Variants in METTL14 observed in about 807,000 individuals in gnomAD.
The protein encoded by METTL14 is N(6)-adenosine-methyltransferase non-catalytic subunit METTL14.
A neutral mutation model predicts 62.4 loss-of-function variants in METTL14; 32 were observed. That is an observed-to-expected ratio of 0.51 (90% confidence interval 0.39 to 0.69). The LOEUF (loss-of-function observed/expected upper bound fraction) is 0.69, where lower values mean the gene tolerates loss of function less well. Ranked by LOEUF, METTL14 falls within the 30% of genes least tolerant of loss-of-function variation. The pLI is 0.00. For synonymous variants in METTL14, 150 were observed against 180.0 expected (o/e 0.83, Z 1.34); for missense variants, 340 against 551.9 (o/e 0.62, Z 3.85).
intron 6 of METTL14, among the ~76,000 whole-genome samples, chr4:118,696,833 G>A (rs1346451912): frequency 6.6e-6 from 1 of 152,118 alleles, no homozygotes; most frequent in Non-Finnish European, 1.5e-5. Flanking sequence ...AAATTCAGAT[G>A]AGAAGGGAAA....
At chr4:118,696,446 C>G (rs1159960116) in intron 6 of METTL14, among the ~76,000 whole-genome samples, 1 of 152,038 alleles carries the variant, frequency 6.6e-6, no homozygotes, top group East Asian at 1.9e-4. Flanking sequence ...GTGGGAAGAT[C>G]ACTTGAGCCC....
At chr4:118,700,174 T>C (rs566452173) in intron 7 of METTL14, among the ~76,000 whole-genome samples, 28 of 152,304 alleles carry the variant, frequency 1.8e-4, no homozygotes, top group African/African-American at 6.5e-4. Context: ...TTTAATTTTG[T>C]CCCTAACATT....
At chr4:118,693,056 G>A (rs1724301784) in intron 5 of METTL14, among the ~76,000 whole-genome samples, 1 of 152,076 alleles carries the variant, frequency 6.6e-6, no homozygotes, top group African/African-American at 2.4e-5. Context: ...TTACCTTTCT[G>A]ACAACTACTC....
chr4:118,704,161 A>G, intron 9 of METTL14, 110 bp downstream of exon 9: 1 of 653,492 alleles, frequency 1.5e-6, no homozygotes, highest in East Asian at 3.0e-5. Context: ...CTTTTCTTAG[A>G]CTTGTAAAGA....
chr4:118,713,877 T>C lies in METTL14; in HGVS notation c.*3575T>C, dbSNP rs966903150. 6.6e-5 allele frequency: 10 copies of C among 152,368 alleles called. No homozygotes were observed. Among genetic ancestry groups the C allele is most frequent in the Admixed American group, 5.2e-4 (8 of 15,304 alleles). 9.4% of individuals were successfully genotyped at this position (152,368 alleles called of 1,614,324 possible). A position where few individuals can be genotyped will look rare whatever the true frequency, so the allele number is the denominator to read the frequency against. ...CTCTATCATTTACTCGTATAAATAT[T>C]GCTAGCTGTAATGCACAGAGAAAAA... On this transcript the variant is annotated 3_prime_UTR_variant, in exon 11 of 11. Coordinates refer to ENST00000388822, the MANE Select transcript of METTL14 (RefSeq NM_020961.4).
chr4:118,696,420 T>G (rs1363730868), intron 6 of METTL14, among the ~76,000 whole-genome samples: 1 of 151,860 alleles, frequency 6.6e-6, no homozygotes. Context: ...AAATACACCT[T>G]TAATGAGATG....
At chr4:118,699,662 T>G (rs1724527760) in intron 7 of METTL14, among the ~76,000 whole-genome samples, 1 of 152,180 alleles carries the variant, frequency 6.6e-6, no homozygotes, top group African/African-American at 2.4e-5. Context: ...TCCGTGAGGT[T>G]TCAGCAGTGA....
At chr4:118,698,452 CAAAA>C (rs70941202) in intron 7 of METTL14, among the ~76,000 whole-genome samples, 10 of 76,650 alleles carry the variant, frequency 1.3e-4, no homozygotes, top group East Asian at 4.3e-4. Context: ...GACTCTGTCT[CAAAA>C]AAAAAAAAAA....
In METTL14 at chr4:118,712,042, G is replaced by C. The variant is rs1197441437; in HGVS notation, c.*1740G>C. The stretch of plus-strand genomic sequence containing the variant: ...TCGGTTGAAAGTTAAGGGGAGCCAT[G>C]ATCTACCATATTTAGGAAAAAGTTA... On this transcript the variant is annotated 3_prime_UTR_variant, in exon 11 of 11. Transcript: ENST00000388822. The C allele has an allele frequency of 6.6e-6, 1 of 152,194 alleles. No individual in the cohort carries two copies. The highest frequency in any genetic ancestry group is 1.5e-5 in the Non-Finnish European group (1 of 68,044). 9.4% of individuals were successfully genotyped at this position (152,194 alleles called of 1,614,324 possible). A position where few individuals can be genotyped will look rare whatever the true frequency, so the allele number is the denominator to read the frequency against.
At position 118,710,476 on chromosome 4, in the gene METTL14, G is replaced by A; in HGVS notation, c.*174G>A. On this transcript the variant is annotated 3_prime_UTR_variant, in exon 11 of 11. Transcript: ENST00000388822. ...TTGCAGTTGTCACACACACTGTCTG[G>A]TTTTTTTCAGGATAAATGAATGATT... The A allele has an allele frequency of 1.6e-6, 1 of 607,226 alleles. No homozygotes were observed. The highest frequency in any genetic ancestry group is 2.8e-6 in the Non-Finnish European group (1 of 356,620). 37.6% of individuals were successfully genotyped at this position (607,226 alleles called of 1,614,324 possible). A position where few individuals can be genotyped will look rare whatever the true frequency, so the allele number is the denominator to read the frequency against.
intron 10 of METTL14, among the ~76,000 whole-genome samples, chr4:118,707,337 A>G (rs1724784845): frequency 6.6e-6 from 1 of 152,096 alleles, no homozygotes; most frequent in African/African-American, 2.4e-5. Context: ...CCATATAAAT[A>G]ATAGTATGTG....
chr4:118,686,486 T>C (rs1332183167), intron 1 of METTL14: 2 of 417,804 alleles, frequency 4.8e-6, no homozygotes, highest in Non-Finnish European at 9.6e-6. Context: ...TATTTTTCAG[T>C]AATGAAACTT....
intron 1 of METTL14, 119 bp downstream of exon 1, chr4:118,685,719 T>C (rs1724032529): frequency 4.8e-6 from 4 of 831,778 alleles, no homozygotes; most frequent in Non-Finnish European, 8.0e-6. Flanking sequence ...AAGGCCTTTC[T>C]GGTCCTGCGA....
chr4:118,697,635 A>G (rs1018164611), intron 7 of METTL14, among the ~76,000 whole-genome samples: 3 of 152,166 alleles, frequency 2.0e-5, no homozygotes, highest in African/African-American at 7.2e-5. Flanking sequence ...ATGATTCATA[A>G]TTCATTCTGC....
chr4:118,712,709 A>T lies in METTL14; in HGVS notation c.*2407A>T, dbSNP rs892534376. The T allele has an allele frequency of 2.0e-5, 3 of 152,176 alleles. No homozygotes were observed. Among genetic ancestry groups the T allele is most frequent in the South Asian group, 4.1e-4 (2 of 4,828 alleles). The allele number at this position is 152,176 out of a possible 1,614,324, so 9.4% of individuals were successfully genotyped here. ...GGGGATAGAAGCTAATTATTGTGAA[A>T]TAACCTAGTTTAGAAGTTAGAAGAT... On this transcript the variant is annotated 3_prime_UTR_variant, in exon 11 of 11. Transcript: ENST00000388822.
chr4:118,697,158 AT>A, intron 6 of METTL14, 23 bp from the exon 7 acceptor site: 1 of 1,551,992 alleles, frequency 6.4e-7, no homozygotes, highest in Non-Finnish European at 8.7e-7. Context: ...TAAAAACCTC[AT>A]TTTTAATGCT....
Position 118,685,554 on chromosome 4 carries a change from A to G in METTL14, c.20A>G (p.Glu7Gly). ...TGGAACATGGATAGCCGCTTGCAGG[A>G]GATCCGGGAGCGGCAGAAGTTACGG... MDSRLQ[E>G]IRERQKLRRQ... The change falls in exon 1 of 11, where the codon GAG (glutamate) becomes GGG (glycine). Residue 7 changes from glutamate (E) to glycine (G), a missense_variant. This residue lies in a region of METTL14 where 111 missense variants were observed against 116.6 expected (regional missense o/e 0.95). Transcript: ENST00000388822. The G allele has an allele frequency of 1.2e-6, 2 of 1,614,186 alleles. No individual in the cohort carries two copies. Among genetic ancestry groups the G allele is most frequent in the South Asian group, 1.1e-5 (1 of 91,070 alleles).
At chr4:118,690,254 C>T (rs1315038652) in intron 3 of METTL14, among the ~76,000 whole-genome samples, 2 of 147,522 alleles carry the variant, frequency 1.4e-5, no homozygotes, top group Non-Finnish European at 3.0e-5. Context: ...TGGCCAGGCT[C>T]GTCTCGAACT....
At chr4:118,704,156 CT>C in intron 9 of METTL14, 105 bp downstream of exon 9, 1 of 674,078 alleles carries the variant, frequency 1.5e-6, no homozygotes, top group Non-Finnish European at 2.5e-6. Flanking sequence ...AGGTCCTTTT[CT>C]TAGACTTGTA....
Sources: allele counts gnomAD v4.1 joint callset (sites outside exome capture counted in the v4.1 genomes callset), GRCh38; gene constraint gnomAD v4.1.1; regional missense constraint gnomAD v4.1.1; transcripts MANE v1.5; gene names NCBI Gene and HGNC (gene_info 2026-07-23, HGNC 2026-07-21).